The following HIF1A variants were observed in gnomAD, a reference collection of about 807,000 sequenced individuals.
The protein encoded by HIF1A is hypoxia-inducible factor 1-alpha.
A neutral mutation model predicts 92.7 loss-of-function variants in HIF1A; 24 were observed. The ratio of observed to expected loss-of-function variants is 0.26; its 90% confidence interval spans 0.19 to 0.36. The LOEUF is 0.36. Among genes scored for constraint, HIF1A ranks in the 10% least tolerant of loss-of-function variants. The pLI is 1.00. For missense variants in HIF1A, 799 were observed against 998.5 expected (o/e 0.80, Z 2.69); for synonymous variants, 319 against 338.7 (o/e 0.94, Z 0.64).
intron 9 of HIF1A, 37 bp downstream of exon 9, chr14:61,737,146 C>G: frequency 7.0e-7 from 1 of 1,431,218 alleles, no homozygotes; most frequent in Non-Finnish European, 9.8e-7. Context: ...TAAATTGTGT[C>G]TGTTGCTACA....
At position 61,744,943 on chromosome 14, in the gene HIF1A, T is replaced by C. The variant is rs1204222397; in HGVS notation, c.2202+130T>C. On this transcript the variant is annotated intron_variant, in intron 13 of 14. Coordinates refer to ENST00000337138, the MANE Select transcript of HIF1A (RefSeq NM_001530.4). Reference sequence around the variant, plus strand: ...AAGTTATATTTTCAGAAGTTATACATTGGGTTTTTTTACTCTGTATGCACT... The same window carrying C: ...AAGTTATATTTTCAGAAGTTATACACTGGGTTTTTTTACTCTGTATGCACT... The C allele has an allele frequency of 8.0e-6, 4 of 501,634 alleles. No individual in the cohort carries two copies. In the East Asian group the frequency reaches 1.0e-4, roughly 13 times the overall value. 31.1% of individuals were successfully genotyped at this position (501,634 alleles called of 1,614,324 possible). A position where few individuals can be genotyped will look rare whatever the true frequency, so the allele number is the denominator to read the frequency against.
chr14:61,721,799 A>G lies in HIF1A; in HGVS notation c.433A>G (p.Arg145Gly). Residue 145 changes from arginine (R) to glycine (G), a missense_variant, in exon 4 of 15, where the codon AGA (arginine) becomes GGA (glycine). Arg to Gly is a moderately radical substitution (Grantham distance 125). This residue lies in a region of HIF1A where 516 missense variants were observed against 721.0 expected (regional missense o/e 0.72). Coordinates refer to ENST00000337138, the MANE Select transcript of HIF1A (RefSeq NM_001530.4). ...FTHPCDHEEM[R>G]EMLTHRNGLV... ...TCATCCATGTGACCATGAGGAAATGAGAGAAATGCTTACACACAGAAATGG... is the reference window on the plus strand; with the variant it reads ...TCATCCATGTGACCATGAGGAAATGGGAGAAATGCTTACACACAGAAATGG... 1 of 1,612,706 alleles carries G rather than the reference A, an allele frequency of 6.2e-7. No individual in the cohort carries two copies. Among genetic ancestry groups the G allele is most frequent in the Non-Finnish European group, 8.5e-7 (1 of 1,178,854 alleles).
intron 1 of HIF1A, among the ~76,000 whole-genome samples, chr14:61,710,305 C>T (rs2044291815): frequency 6.6e-6 from 1 of 152,104 alleles, no homozygotes; most frequent in Admixed American, 6.5e-5. Context: ...TGCTGGATAA[C>T]AACAAGCAAT....
chr14:61,718,115 C>T (rs1298746421), intron 1 of HIF1A, among the ~76,000 whole-genome samples: 4 of 151,586 alleles, frequency 2.6e-5, no homozygotes, highest in Admixed American at 1.3e-4. Context: ...TAGTTTACAT[C>T]AGTTGAGTGG....
At chr14:61,697,865 T>G in intron 1 of HIF1A, 2 of 1,519,716 alleles carry the variant, frequency 1.3e-6, no homozygotes, top group African/African-American at 2.8e-5. Context: ...GCTCCCAATG[T>G]CGGAGTTTGG....
chr14:61,720,837 TA>T (rs2044417727), intron 2 of HIF1A, among the ~76,000 whole-genome samples: 1 of 152,342 alleles, frequency 6.6e-6, no homozygotes, highest in Non-Finnish European at 1.5e-5. Flanking sequence ...AATTCTTTTC[TA>T]ATATAACATC....
chr14:61,747,871 T>C lies in HIF1A; in HGVS notation c.*786T>C, dbSNP rs920448595. 4 of 152,510 alleles carry C rather than the reference T, an allele frequency of 2.6e-5. No homozygotes were observed. Among genetic ancestry groups the C allele is most frequent in the Non-Finnish European group, 5.9e-5 (4 of 67,964 alleles). 9.4% of individuals were successfully genotyped at this position (152,510 alleles called of 1,614,324 possible). On this transcript the variant is annotated 3_prime_UTR_variant, in exon 15 of 15. Coordinates refer to ENST00000337138, the MANE Select transcript of HIF1A (RefSeq NM_001530.4). The stretch of plus-strand genomic sequence containing the variant: ...CAAAAGAAAACAATACCCTATGTAG[T>C]TGTGGAAGTTTATGCTAATATTGTG...
intron 10 of HIF1A, among the ~76,000 whole-genome samples, chr14:61,739,749 G>C (rs2044683879): frequency 6.6e-6 from 1 of 152,108 alleles, no homozygotes; most frequent in Non-Finnish European, 1.5e-5. Context: ...CATTCGTTCA[G>C]GTATATGCAG....
chr14:61,733,511 T>A (rs1174027205), intron 7 of HIF1A, among the ~76,000 whole-genome samples: 1 of 152,230 alleles, frequency 6.6e-6, no homozygotes, highest in Non-Finnish European at 1.5e-5. Flanking sequence ...AATCTGTACC[T>A]ATGCATGACT....
At chr14:61,707,698 G>C (rs1007387538) in intron 1 of HIF1A, among the ~76,000 whole-genome samples, 1 of 150,810 alleles carries the variant, frequency 6.6e-6, no homozygotes, top group African/African-American at 2.4e-5. Flanking sequence ...TCTTAATCCA[G>C]TCTATCATTA....
chr14:61,738,480 G>A (rs992242087), intron 10 of HIF1A, 107 bp downstream of exon 10: 45 of 1,041,728 alleles, frequency 4.3e-5, no homozygotes, highest in Non-Finnish European at 5.1e-5. Flanking sequence ...AATTACATTT[G>A]TGTGTGTGTT....
At chr14:61,732,699 A>G (rs1006197730) in intron 7 of HIF1A, among the ~76,000 whole-genome samples, 175 bp downstream of exon 7, 2 of 152,256 alleles carry the variant, frequency 1.3e-5, no homozygotes, top group Non-Finnish European at 1.5e-5. Flanking sequence ...AACAAATATC[A>G]GTAAAAATAG....
At chr14:61,706,144 G>A (rs2044237145) in intron 1 of HIF1A, among the ~76,000 whole-genome samples, 1 of 152,130 alleles carries the variant, frequency 6.6e-6, no homozygotes, top group Non-Finnish European at 1.5e-5. Flanking sequence ...AGAAAGAAAA[G>A]GATTTACAAG....
chr14:61,729,964 A>C (rs1019637703), intron 6 of HIF1A, among the ~76,000 whole-genome samples: 3 of 152,312 alleles, frequency 2.0e-5, no homozygotes, highest in Non-Finnish European at 4.4e-5. Flanking sequence ...ATTTTGCTCA[A>C]TTTTAAGAAA....
intron 6 of HIF1A, among the ~76,000 whole-genome samples, chr14:61,728,804 T>C (rs2044539380): frequency 6.6e-6 from 1 of 152,224 alleles, no homozygotes; most frequent in African/African-American, 2.4e-5. Context: ...ATCTTTCATC[T>C]AAGTTGCCAG....
intron 6 of HIF1A, among the ~76,000 whole-genome samples, chr14:61,728,708 T>A (rs1009978192): frequency 2.0e-5 from 3 of 152,210 alleles, no homozygotes; most frequent in African/African-American, 4.8e-5. Flanking sequence ...CTTGCACTCC[T>A]GCCATTGAAT....
chr14:61,706,520 TGACA>T (rs2044241028), intron 1 of HIF1A, among the ~76,000 whole-genome samples: 1 of 152,258 alleles, frequency 6.6e-6, no homozygotes, highest in Non-Finnish European at 1.5e-5. Flanking sequence ...GTGTTTTGCC[TGACA>T]AACATGGTAT....
chr14:61,713,039 T>C (rs761906462), intron 1 of HIF1A, among the ~76,000 whole-genome samples: 10 of 151,914 alleles, frequency 6.6e-5, no homozygotes, highest in Non-Finnish European at 1.3e-4. Flanking sequence ...AAGCCACATA[T>C]TGGGAATGGT....
intron 5 of HIF1A, 134 bp from the exon 6 acceptor site, chr14:61,727,314 CAAAAA>C: frequency 1.5e-6 from 1 of 645,692 alleles, no homozygotes; most frequent in East Asian, 2.7e-5. Flanking sequence ...CATTGATTTT[CAAAAA>C]CGTGATTAAT....
Sources: allele counts gnomAD v4.1 joint callset (sites outside exome capture counted in the v4.1 genomes callset), GRCh38; gene constraint gnomAD v4.1.1; regional missense constraint gnomAD v4.1.1; transcripts MANE v1.5; gene names NCBI Gene and HGNC (gene_info 2026-07-23, HGNC 2026-07-21).